The following PTPRD variants were observed in gnomAD, a reference collection of about 807,000 sequenced individuals.
The protein encoded by PTPRD is protein tyrosine phosphatase receptor type D.
In PTPRD, 34 loss-of-function variants were observed where a neutral mutation model predicts 214.5. That is an observed-to-expected ratio of 0.16 (90% CI 0.12 to 0.21). The LOEUF is 0.21. Among genes scored for constraint, PTPRD ranks in the 10% least tolerant of loss-of-function variants. The pLI, the probability that PTPRD is intolerant of heterozygous loss-of-function variation, is 1.00. For synonymous variants in PTPRD, 1,128 were observed against 845.7 expected (o/e 1.33, Z -5.79); for missense variants, 2,545 against 2,398.7 (o/e 1.06, Z -1.27).
chr9:9,292,081 T>G (rs1951341210), intron 9 of PTPRD, among the ~76,000 whole-genome samples: 1 of 151,416 alleles, frequency 6.6e-6, no homozygotes, highest in Middle Eastern at 3.2e-3. Flanking sequence ...GCTTTGCAGC[T>G]TTGTATTATC....
intron 8 of PTPRD, among the ~76,000 whole-genome samples, chr9:9,443,783 G>A (rs1019468991): frequency 2.6e-5 from 4 of 152,130 alleles, no homozygotes; most frequent in African/African-American, 9.7e-5. Context: ...GTGCCAAGCT[G>A]ACCCTCTGGA....
At chr9:10,549,885 C>A (rs139568547) in intron 2 of PTPRD, among the ~76,000 whole-genome samples, 1 of 152,204 alleles carries the variant, frequency 6.6e-6, no homozygotes, top group Non-Finnish European at 1.5e-5. Context: ...CTCCTCCCAA[C>A]CAATGTGTCT....
intron 14 of PTPRD, among the ~76,000 whole-genome samples, chr9:8,545,886 G>C (rs1392188126): frequency 1.3e-5 from 2 of 152,310 alleles, no homozygotes; most frequent in East Asian, 3.9e-4. Flanking sequence ...GCCTGTTCAA[G>C]AAGAAATCCA....
chr9:9,777,723 A>T (rs2098809664), intron 5 of PTPRD, among the ~76,000 whole-genome samples: 1 of 152,202 alleles, frequency 6.6e-6, no homozygotes, highest in South Asian at 2.1e-4. Flanking sequence ...AAGTTAAATA[A>T]ATAACTCTGG....
intron 7 of PTPRD, among the ~76,000 whole-genome samples, chr9:9,675,656 A>C (rs1254759829): frequency 6.6e-6 from 1 of 151,974 alleles, no homozygotes; most frequent in Non-Finnish European, 1.5e-5. Flanking sequence ...ATAAAATTCT[A>C]TGAAATTAGC....
chr9:9,180,258 T>C (rs1405676905), intron 10 of PTPRD, among the ~76,000 whole-genome samples: 2 of 151,906 alleles, frequency 1.3e-5, no homozygotes, highest in Non-Finnish European at 2.9e-5. Context: ...CATGGAATAC[T>C]ATGCAGCCAC....
chr9:8,941,460 G>A (rs1426378711), intron 11 of PTPRD, among the ~76,000 whole-genome samples: 1 of 152,102 alleles, frequency 6.6e-6, no homozygotes, highest in Non-Finnish European at 1.5e-5. Flanking sequence ...CAGAAAAAGA[G>A]CAGTATATGG....
chr9:9,013,377 T>G (rs1433860252), intron 11 of PTPRD, among the ~76,000 whole-genome samples: 3 of 152,130 alleles, frequency 2.0e-5, no homozygotes. Flanking sequence ...TGATCATTGA[T>G]GATAGCAAAG....
chr9:10,366,889 G>A (rs1260240897), intron 2 of PTPRD, among the ~76,000 whole-genome samples: 1 of 152,070 alleles, frequency 6.6e-6, no homozygotes, highest in Non-Finnish European at 1.5e-5. Flanking sequence ...TATGAGTATA[G>A]ACTATTAATT....
intron 9 of PTPRD, among the ~76,000 whole-genome samples, chr9:9,379,534 T>G (rs1596691275): frequency 6.6e-6 from 1 of 152,070 alleles, no homozygotes; most frequent in Admixed American, 6.6e-5. Flanking sequence ...TTATTTCTCT[T>G]TATATAACTT....
At chr9:9,884,404 T>A (rs1052402762) in intron 5 of PTPRD, among the ~76,000 whole-genome samples, 1 of 152,158 alleles carries the variant, frequency 6.6e-6, no homozygotes, top group African/African-American at 2.4e-5. Context: ...ATACCTCTTC[T>A]CAGATTCTAT....
rs572007652 is a variant in PTPRD at position 9,196,717 on chromosome 9, G to A, written c.-202-13354C>T. Among the ~76,000 whole-genome samples the A allele has an allele frequency of 7.9e-4, 120 of 152,236 alleles. 2 individuals are homozygous for A. The highest frequency in any genetic ancestry group is 2.8e-3 in the African/African-American group (115 of 41,532). ...TAGCATATTTCCTGTCTTGTAATAT[G>A]TATGCAATACATAAATATCCACAAT... On this transcript the variant is annotated intron_variant, in intron 9 of 45. Transcript: ENST00000381196.
At chr9:9,634,822 T>C (rs1399016400) in intron 7 of PTPRD, among the ~76,000 whole-genome samples, 1 of 152,184 alleles carries the variant, frequency 6.6e-6, no homozygotes, top group Non-Finnish European at 1.5e-5. Flanking sequence ...GAACTCTAAG[T>C]ACCAATTCCC....
Position 10,024,664 on chromosome 9 carries a change from T to C in PTPRD, c.-472+9054A>G, listed in dbSNP as rs2096886516. On this transcript the variant is annotated intron_variant, in intron 4 of 45. Coordinates refer to ENST00000381196, the MANE Select transcript of PTPRD (RefSeq NM_002839.4). Reference sequence around the variant, plus strand: ...TATTATTATACTTTAAGTTTTAGGGTACATGTGCACAACGTGCAGGTTTGT... The same window carrying C: ...TATTATTATACTTTAAGTTTTAGGGCACATGTGCACAACGTGCAGGTTTGT... Among the ~76,000 whole-genome samples, 3 of 152,016 alleles carry C rather than the reference T, an allele frequency of 2.0e-5. No homozygotes were observed. The South Asian group carries it at 6.2e-4, about 32-fold the overall frequency.
intron 2 of PTPRD, among the ~76,000 whole-genome samples, chr9:10,576,071 A>T (rs150986681): frequency 1.2e-4 from 19 of 152,292 alleles, no homozygotes; most frequent in African/African-American, 4.3e-4. Flanking sequence ...AGTCTAAAAA[A>T]AATATTTTCT....
At chr9:9,965,137 G>A (rs994829505) in intron 4 of PTPRD, among the ~76,000 whole-genome samples, 6 of 152,064 alleles carry the variant, frequency 3.9e-5, no homozygotes, top group Admixed American at 1.3e-4. Context: ...TTTTCATAAC[G>A]TGGATAGATT....
chr9:10,218,752 G>C (rs1293211354), intron 3 of PTPRD, among the ~76,000 whole-genome samples: 1 of 151,754 alleles, frequency 6.6e-6, no homozygotes, highest in Non-Finnish European at 1.5e-5. Context: ...TAAATAGGGA[G>C]CCTTGGTCTT....
At chr9:8,768,430 T>C (rs1336904145) in intron 11 of PTPRD, among the ~76,000 whole-genome samples, 1 of 152,054 alleles carries the variant, frequency 6.6e-6, no homozygotes, top group Non-Finnish European at 1.5e-5. Flanking sequence ...CACACACCTG[T>C]AGTCCCAGCT....
chr9:9,571,819 G>T (rs537800486), intron 8 of PTPRD, among the ~76,000 whole-genome samples: 1 of 150,874 alleles, frequency 6.6e-6, no homozygotes, highest in South Asian at 2.1e-4. Context: ...ATTTATGTAT[G>T]AATTTTATAA....
Sources: allele counts gnomAD v4.1 joint callset (sites outside exome capture counted in the v4.1 genomes callset), GRCh38; gene constraint gnomAD v4.1.1; transcripts MANE v1.5; gene names NCBI Gene and HGNC (gene_info 2026-07-23, HGNC 2026-07-21).